MYBPC1: variants seen among roughly 807,000 people sequenced by gnomAD.
MYBPC1 encodes the protein myosin-binding protein C, slow-type.
Under a neutral mutation model 147.1 loss-of-function variants are expected in MYBPC1, and 52 were observed. That is an observed-to-expected ratio of 0.35 (90% CI 0.28 to 0.45). The LOEUF is 0.45. Ranked by LOEUF, MYBPC1 falls within the 20% of genes least tolerant of loss-of-function variation. MYBPC1 has a pLI of 1.00. For missense variants in MYBPC1, 1,228 were observed against 1,440.3 expected (o/e 0.85, Z 2.39); for synonymous variants, 477 against 475.9 (o/e 1.00, Z -0.03).
chr12:101,675,834 A>G (rs889902865), intron 26 of MYBPC1, among the ~76,000 whole-genome samples: 9 of 152,162 alleles, frequency 5.9e-5, no homozygotes, highest in Non-Finnish European at 1.3e-4. Flanking sequence ...CACCCATGCA[A>G]CTCTTTCTCC....
At chr12:101,673,668 G>C in intron 25 of MYBPC1, 46 bp downstream of exon 25, 1 of 1,592,246 alleles carries the variant, frequency 6.3e-7, no homozygotes. Context: ...AAGCAGTACA[G>C]GGATGAATTG....
At chr12:101,645,232 A>G (rs1892834466) in intron 12 of MYBPC1, among the ~76,000 whole-genome samples, 1 of 152,204 alleles carries the variant, frequency 6.6e-6, no homozygotes, top group Non-Finnish European at 1.5e-5. Context: ...TCTATTTTCA[A>G]TTCAGGTACT....
At chr12:101,616,808 A>G (rs1052223752) in intron 2 of MYBPC1, among the ~76,000 whole-genome samples, 2 of 152,236 alleles carry the variant, frequency 1.3e-5, no homozygotes, top group Admixed American at 6.5e-5. Context: ...TCTTGGAATC[A>G]TTACATGGGG....
intron 2 of MYBPC1, among the ~76,000 whole-genome samples, chr12:101,615,665 C>CA (rs1555225177): frequency 1.4e-5 from 1 of 71,114 alleles, no homozygotes; most frequent in African/African-American, 6.8e-5. Context: ...ACCCCCCGCC[C>CA]CCCCCCCGCC....
chr12:101,618,488 C>T (rs1299299878), intron 3 of MYBPC1, among the ~76,000 whole-genome samples: 3 of 152,174 alleles, frequency 2.0e-5, no homozygotes, highest in Admixed American at 6.6e-5. Context: ...TTATTCTCTA[C>T]AAGGCCAATG....
intron 1 of MYBPC1, among the ~76,000 whole-genome samples, chr12:101,609,905 AG>A (rs1565889131): frequency 2.0e-5 from 3 of 152,228 alleles, no homozygotes; most frequent in African/African-American, 7.2e-5. Context: ...AGTGAGGTAC[AG>A]TGGAAATTGC....
chr12:101,648,233 T>C, intron 14 of MYBPC1, 83 bp downstream of exon 14: 1 of 975,444 alleles, frequency 1.0e-6, no homozygotes, highest in Non-Finnish European at 1.6e-6. Context: ...GAAGTACAAA[T>C]AGCTTTTAAA....
intron 18 of MYBPC1, among the ~76,000 whole-genome samples, chr12:101,659,092 C>T (rs1313448493): frequency 5.3e-5 from 8 of 152,272 alleles, no homozygotes; most frequent in African/African-American, 1.9e-4. Context: ...GGCTCAACCT[C>T]GCTCTGTCTT....
At chr12:101,624,533 G>T (rs1325727067) in intron 3 of MYBPC1, among the ~76,000 whole-genome samples, 2 of 151,912 alleles carry the variant, frequency 1.3e-5, no homozygotes, top group East Asian at 3.9e-4. Context: ...TGTCATCCAC[G>T]CTAGAGTACA....
intron 6 of MYBPC1, among the ~76,000 whole-genome samples, chr12:101,629,820 C>G (rs1446264856): frequency 6.6e-6 from 1 of 151,950 alleles, no homozygotes; most frequent in African/African-American, 2.4e-5. Context: ...TTGCAGTGAA[C>G]CGAGATCGCG....
intron 1 of MYBPC1, among the ~76,000 whole-genome samples, chr12:101,613,323 C>T (rs2135786744): frequency 6.6e-6 from 1 of 152,328 alleles, no homozygotes; most frequent in Non-Finnish European, 1.5e-5. Context: ...TGTTATGGGG[C>T]ATCGTCCGCC....
In MYBPC1 at chr12:101,651,246, T is replaced by C; in HGVS notation, c.1379T>C (p.Ile460Thr). Residue 460 changes from isoleucine (I) to threonine (T), a missense_variant, in exon 16 of 32, where the codon ATT (isoleucine) becomes ACT (threonine). Physicochemically the swap from Ile to Thr is moderately conservative, Grantham distance 89. Coordinates refer to ENST00000361466, the MANE Select transcript of MYBPC1 (RefSeq NM_002465.4). ...KLSVDLKPLK[I>T]LTPLTDQTVN... ...ATTTCTACAGTGAAACCTCTGAAGATTTTGACACCTCTGACTGATCAGACT... is the reference window on the plus strand; with the variant it reads ...ATTTCTACAGTGAAACCTCTGAAGACTTTGACACCTCTGACTGATCAGACT... 6.2e-7 allele frequency: 1 copy of C among 1,614,044 alleles called. No individual in the cohort carries two copies. Among genetic ancestry groups the C allele is most frequent in the Non-Finnish European group, 8.5e-7 (1 of 1,179,960 alleles).
intron 18 of MYBPC1, among the ~76,000 whole-genome samples, chr12:101,653,466 G>C (rs1396218692): frequency 6.7e-6 from 1 of 148,372 alleles, no homozygotes; most frequent in Non-Finnish European, 1.5e-5. Flanking sequence ...CTATTATGTA[G>C]CAAAGCATGT....
At position 101,661,271 on chromosome 12, in the gene MYBPC1, A is replaced by T. The variant is rs764067779; in HGVS notation, c.2032+9A>T. On this transcript the variant is annotated intron_variant, in intron 20 of 31. Transcript: ENST00000361466. ...AGGCTCTCCAATCCTAGGTAACTGCATGTTGGTTAGTCTGTGTAACTGCCA... is the reference window on the plus strand; with the variant it reads ...AGGCTCTCCAATCCTAGGTAACTGCTTGTTGGTTAGTCTGTGTAACTGCCA... The T allele has an allele frequency of 6.3e-7, 1 of 1,580,992 alleles. No individual in the cohort carries two copies. The highest frequency in any genetic ancestry group is 2.2e-5 in the East Asian group (1 of 44,706).
At chr12:101,662,744 A>G (rs969699360) in intron 21 of MYBPC1, among the ~76,000 whole-genome samples, 198 bp downstream of exon 21, 2 of 152,234 alleles carry the variant, frequency 1.3e-5, no homozygotes, top group African/African-American at 4.8e-5. Flanking sequence ...TTCATAACAT[A>G]GGCCCTGGAA....
intron 14 of MYBPC1, 120 bp downstream of exon 14, chr12:101,648,270 T>G (rs2136251907): frequency 1.4e-6 from 1 of 699,186 alleles, no homozygotes. Context: ...CCACCTCATT[T>G]GTGTTAGTAG....
At chr12:101,674,896 A>C (rs1899569737) in intron 25 of MYBPC1, among the ~76,000 whole-genome samples, 1 of 151,394 alleles carries the variant, frequency 6.6e-6, no homozygotes, top group Non-Finnish European at 1.5e-5. Context: ...GAAAGAAAGA[A>C]ATTTAAGAGC....
chr12:101,680,995 T>A (rs996704646), intron 29 of MYBPC1, among the ~76,000 whole-genome samples: 1 of 152,204 alleles, frequency 6.6e-6, no homozygotes, highest in Non-Finnish European at 1.5e-5. Context: ...ATAGAAATAG[T>A]TTTGCTAATT....
At chr12:101,621,892 G>T (rs886071265) in intron 3 of MYBPC1, among the ~76,000 whole-genome samples, 2 of 152,096 alleles carry the variant, frequency 1.3e-5, no homozygotes, top group Admixed American at 1.3e-4. Context: ...ATAAGACTGG[G>T]TTCTTTCCCT....
Sources: allele counts gnomAD v4.1 joint callset (sites outside exome capture counted in the v4.1 genomes callset), GRCh38; gene constraint gnomAD v4.1.1; transcripts MANE v1.5; gene names NCBI Gene and HGNC (gene_info 2026-07-23, HGNC 2026-07-21).